Variants in PPFIA2 observed in about 807,000 individuals in gnomAD.
The protein encoded by PPFIA2 is liprin-alpha-2.
PPFIA2 carries 46 observed loss-of-function variants against 175.5 expected under a neutral mutation model. The ratio of observed to expected loss-of-function variants is 0.26; its 90% confidence interval spans 0.21 to 0.34. The LOEUF (loss-of-function observed/expected upper bound fraction) is 0.34. Ranked by LOEUF, PPFIA2 falls within the 10% of genes least tolerant of loss-of-function variation. The pLI is 1.00. For missense variants in PPFIA2, 1,179 were observed against 1,506.1 expected (o/e 0.78, Z 3.60); for synonymous variants, 568 against 511.4 (o/e 1.11, Z -1.49).
chr12:81,361,436 A>G (rs2030271166), intron 15 of PPFIA2, among the ~76,000 whole-genome samples: 1 of 151,656 alleles, frequency 6.6e-6, no homozygotes. Flanking sequence ...AATGTGAAAA[A>G]TAAGAACGAT....
chr12:81,658,650 C>T (rs1202566931), intron 4 of PPFIA2, among the ~76,000 whole-genome samples: 3 of 151,796 alleles, frequency 2.0e-5, no homozygotes, highest in South Asian at 4.2e-4. Context: ...GAAGAATATA[C>T]GTATATATGT....
At chr12:81,554,686 G>A (rs1375524400) in intron 4 of PPFIA2, among the ~76,000 whole-genome samples, 2 of 152,050 alleles carry the variant, frequency 1.3e-5, no homozygotes, top group Non-Finnish European at 2.9e-5. Context: ...GAGGTGTAGT[G>A]AATAGTTTCT....
chr12:81,596,227 A>T lies in PPFIA2; in HGVS notation c.303+80564T>A, dbSNP rs193123140. On this transcript the variant is annotated intron_variant, in intron 4 of 32. Transcript: ENST00000549396. ...TCATTTAATTCTTTCTTTTGGAAAA[A>T]AAAAAGCCAAGAGTTGACTATTATA... 4.2e-3 allele frequency among the ~76,000 whole-genome samples: 638 copies of T among 152,068 alleles called. 3 individuals carry two copies. The highest frequency in any genetic ancestry group is 0.014 in the African/African-American group (601 of 41,554).
intron 30 of PPFIA2, among the ~76,000 whole-genome samples, chr12:81,266,253 C>T (rs1379979014): frequency 1.3e-5 from 2 of 152,166 alleles, no homozygotes; most frequent in Non-Finnish European, 2.9e-5. Context: ...GCTCAGGTTT[C>T]CTTCCCACTT....
chr12:81,572,737 T>C (rs1438765444), intron 4 of PPFIA2, among the ~76,000 whole-genome samples: 1 of 152,026 alleles, frequency 6.6e-6, no homozygotes, highest in Non-Finnish European at 1.5e-5. Flanking sequence ...ATCTGTTTTT[T>C]AAACACCTTT....
intron 4 of PPFIA2, among the ~76,000 whole-genome samples, chr12:81,528,322 T>C (rs1257180190): frequency 6.6e-6 from 1 of 152,006 alleles, no homozygotes; most frequent in Admixed American, 6.6e-5. Context: ...ACAAAATGAT[T>C]AGGTAAAATG....
At chr12:81,723,390 C>A (rs902081456) in intron 3 of PPFIA2, among the ~76,000 whole-genome samples, 2 of 151,008 alleles carry the variant, frequency 1.3e-5, no homozygotes, top group African/African-American at 4.8e-5. Flanking sequence ...TTAGTTCAGA[C>A]ACAGACAGCT....
intron 4 of PPFIA2, among the ~76,000 whole-genome samples, chr12:81,635,468 G>C (rs984652771): frequency 6.6e-6 from 1 of 152,152 alleles, no homozygotes; most frequent in Non-Finnish European, 1.5e-5. Context: ...AGTAGTGATG[G>C]CTTACCCTTG....
At chr12:81,679,078 A>G (rs2153573222) in intron 3 of PPFIA2, among the ~76,000 whole-genome samples, 1 of 152,084 alleles carries the variant, frequency 6.6e-6, no homozygotes, top group East Asian at 1.9e-4. Context: ...TAATATCCTT[A>G]TCAAATCCAA....
chr12:81,348,547 C>A (rs1439885121), intron 17 of PPFIA2, among the ~76,000 whole-genome samples: 1 of 151,864 alleles, frequency 6.6e-6, no homozygotes, highest in Non-Finnish European at 1.5e-5. Flanking sequence ...ACCAGCCTGG[C>A]CAATATGGTG....
intron 4 of PPFIA2, among the ~76,000 whole-genome samples, chr12:81,490,416 A>G (rs1282690397): frequency 6.6e-6 from 1 of 152,018 alleles, no homozygotes; most frequent in African/African-American, 2.4e-5. Flanking sequence ...TCTCCTTGGT[A>G]GTGTCTCTCA....
At chr12:81,672,397 AT>A (rs2071592886) in intron 4 of PPFIA2, among the ~76,000 whole-genome samples, 1 of 151,964 alleles carries the variant, frequency 6.6e-6, no homozygotes, top group Admixed American at 6.6e-5. Flanking sequence ...ATTGTTTTAA[AT>A]TCTGTGGTGT....
rs2083480095 is a variant in PPFIA2, at chr12:81,749,574, A to C, written c.249+4399T>G. On this transcript the variant is annotated intron_variant, in intron 3 of 32. Transcript: ENST00000549396. Reference sequence around the variant, plus strand: ...TATTCCCCCATTCTCAAAAATGTGTAGGATTATTTTGTCAATATTCCTAGT... The same window carrying C: ...TATTCCCCCATTCTCAAAAATGTGTCGGATTATTTTGTCAATATTCCTAGT... Among the ~76,000 whole-genome samples the C allele has an allele frequency of 1.4e-5, 2 of 144,430 alleles. 1 individual carries two copies. Among genetic ancestry groups the C allele is most frequent in the Admixed American group, 1.5e-4 (2 of 13,644 alleles). 94.8% of individuals were successfully genotyped at this position (144,430 alleles called of 152,430 possible).
intron 6 of PPFIA2, among the ~76,000 whole-genome samples, chr12:81,442,894 T>A (rs1277284990): frequency 5.2e-5 from 6 of 115,512 alleles, no homozygotes; most frequent in Non-Finnish European, 9.0e-5. Context: ...TATATATATA[T>A]ATATAGTATT....
chr12:81,305,284 C>T (rs1312312029), intron 22 of PPFIA2, among the ~76,000 whole-genome samples: 13 of 152,074 alleles, frequency 8.5e-5, no homozygotes. Flanking sequence ...TTTCCGTTCT[C>T]CAATTTTTTC....
intron 7 of PPFIA2, among the ~76,000 whole-genome samples, chr12:81,422,424 A>C (rs914796069): frequency 1.3e-5 from 2 of 152,090 alleles, no homozygotes; most frequent in Admixed American, 1.3e-4. Flanking sequence ...GGATTGTCTT[A>C]AGGGCAGAAT....
chr12:81,658,651 G>A (rs11114966), intron 4 of PPFIA2, among the ~76,000 whole-genome samples: 6,911 of 151,788 alleles, frequency 0.046, 305 homozygotes, highest in East Asian at 0.25. Flanking sequence ...AAGAATATAC[G>A]TATATATGTG....
At chr12:81,419,203 C>T (rs758106088) in intron 7 of PPFIA2, among the ~76,000 whole-genome samples, 21 of 152,090 alleles carry the variant, frequency 1.4e-4, no homozygotes, top group Non-Finnish European at 1.6e-4. Context: ...ATGATTTGTG[C>T]GGTAGAATTC....
chr12:81,402,008 G>A (rs923680175), intron 8 of PPFIA2, among the ~76,000 whole-genome samples: 6 of 151,636 alleles, frequency 4.0e-5, no homozygotes, highest in African/African-American at 1.5e-4. Context: ...TGAATAATAA[G>A]GCCTATTTCA....
Sources: allele counts gnomAD v4.1 joint callset (sites outside exome capture counted in the v4.1 genomes callset), GRCh38; gene constraint gnomAD v4.1.1; transcripts MANE v1.5; gene names NCBI Gene and HGNC (gene_info 2026-07-23, HGNC 2026-07-21).